Variants in AGBL4 observed in about 807,000 individuals in gnomAD.
The protein encoded by AGBL4 is AGBL carboxypeptidase 4, also known as cytosolic carboxypeptidase 6.
A neutral mutation model predicts 66.4 loss-of-function variants in AGBL4; 58 were observed. That is an observed-to-expected ratio of 0.87 (90% CI 0.71 to 1.09). The LOEUF is 1.09. AGBL4 is among the 50% of genes least tolerant of loss of function. The pLI, the probability that AGBL4 is intolerant of heterozygous loss-of-function variation, is 0.00. For missense variants in AGBL4, 579 were observed against 631.0 expected (o/e 0.92, Z 0.88); for synonymous variants, 234 against 222.9 (o/e 1.05, Z -0.44).
intron 1 of AGBL4, among the ~76,000 whole-genome samples, chr1:49,885,473 C>G (rs1257480863): frequency 6.6e-6 from 1 of 151,826 alleles, no homozygotes; most frequent in Non-Finnish European, 1.5e-5. Flanking sequence ...ACAAGATATA[C>G]TGCAATAACT....
At chr1:49,385,516 G>A (rs545398314) in intron 3 of AGBL4, among the ~76,000 whole-genome samples, 6 of 151,774 alleles carry the variant, frequency 4.0e-5, no homozygotes, top group Non-Finnish European at 7.4e-5. Context: ...CATTTAATGA[G>A]AATTTTCATG....
At chr1:49,825,129 C>T (rs1645473987) in intron 2 of AGBL4, among the ~76,000 whole-genome samples, 1 of 152,198 alleles carries the variant, frequency 6.6e-6, no homozygotes, top group Non-Finnish European at 1.5e-5. Flanking sequence ...GTTTTCAAAA[C>T]ACTGAATGGT....
intron 3 of AGBL4, among the ~76,000 whole-genome samples, chr1:49,506,885 G>T (rs761030235): frequency 6.6e-6 from 1 of 151,984 alleles, no homozygotes; most frequent in Non-Finnish European, 1.5e-5. Flanking sequence ...GAGGGCTATA[G>T]TGTGCCAATC....
intron 7 of AGBL4, 123 bp from the exon 8 acceptor site, chr1:48,653,574 A>C: frequency 1.5e-6 from 1 of 670,290 alleles, no homozygotes; most frequent in Admixed American, 2.5e-5. Context: ...GTTATTGGCC[A>C]CTGTGGGTGT....
chr1:49,787,004 G>C (rs1644470336), intron 2 of AGBL4, among the ~76,000 whole-genome samples: 1 of 152,126 alleles, frequency 6.6e-6, no homozygotes, highest in African/African-American at 2.4e-5. Flanking sequence ...CTCAAAGGTA[G>C]TTTTGTTTCT....
chr1:48,926,215 A>C (rs1315321008), intron 5 of AGBL4, among the ~76,000 whole-genome samples: 1 of 151,292 alleles, frequency 6.6e-6, no homozygotes, highest in Non-Finnish European at 1.5e-5. Context: ...CTAAGATAGA[A>C]GGTGGCTGAC....
chr1:49,941,121 T>C (rs527895996), intron 1 of AGBL4, among the ~76,000 whole-genome samples: 3 of 152,120 alleles, frequency 2.0e-5, no homozygotes, highest in South Asian at 2.1e-4. Context: ...GAAGACAACC[T>C]AGAGACTGAA....
rs547731483 is a variant in AGBL4 at position 49,499,070 on chromosome 1, T to G, written c.282+198243A>C. Among the ~76,000 whole-genome samples the G allele has an allele frequency of 2.6e-5, 4 of 152,182 alleles. No homozygotes were observed. In the South Asian group the frequency reaches 6.2e-4, roughly 24 times the overall value. On this transcript the variant is annotated intron_variant, in intron 3 of 13. Coordinates refer to ENST00000371839, the MANE Select transcript of AGBL4 (RefSeq NM_032785.4). ...TTTGGTTTCAGGGTTGTCCTGGCCT[T>G]GTAAAATGAGTATGGAACTATTCCC...
chr1:49,875,517 T>A lies in AGBL4; in HGVS notation c.35-23999A>T, dbSNP rs1646973587. Among the ~76,000 whole-genome samples, 3 of 147,672 alleles carry A rather than the reference T, an allele frequency of 2.0e-5. No homozygotes were observed. The South Asian group carries it at 6.6e-4, about 32-fold the overall frequency. On this transcript the variant is annotated intron_variant, in intron 1 of 13. Coordinates refer to ENST00000371839, the MANE Select transcript of AGBL4 (RefSeq NM_032785.4). ...TTTTTTATGGCTGCATAGTATTCTA[T>A]GGTGTATATGTGCCACATTTTCTTA...
intron 11 of AGBL4, among the ~76,000 whole-genome samples, chr1:48,543,088 G>A (rs1435208549): frequency 1.3e-5 from 2 of 152,058 alleles, no homozygotes; most frequent in South Asian, 2.1e-4. Flanking sequence ...TGTGTTTATC[G>A]ACCTTCCCAA....
At chr1:49,361,812 A>G (rs981361670) in intron 3 of AGBL4, among the ~76,000 whole-genome samples, 5 of 151,988 alleles carry the variant, frequency 3.3e-5, no homozygotes, top group African/African-American at 1.2e-4. Flanking sequence ...GTGTTCCTTT[A>G]GCTGATTGTA....
chr1:49,036,529 T>C (rs1664667537), intron 5 of AGBL4, among the ~76,000 whole-genome samples: 1 of 152,056 alleles, frequency 6.6e-6, no homozygotes, highest in South Asian at 2.1e-4. Context: ...AGAAGACTCA[T>C]CAAGGGCATG....
chr1:48,891,399 C>A (rs1019981557), intron 5 of AGBL4, among the ~76,000 whole-genome samples: 3 of 152,144 alleles, frequency 2.0e-5, no homozygotes, highest in African/African-American at 7.2e-5. Context: ...ATACCCTCTT[C>A]CAAAAACTTT....
chr1:49,255,896 A>T (rs1000062594), intron 3 of AGBL4, among the ~76,000 whole-genome samples: 3 of 152,212 alleles, frequency 2.0e-5, no homozygotes, highest in Non-Finnish European at 4.4e-5. Context: ...TTTCCTTAGC[A>T]AACTAAAGTA....
At chr1:48,734,602 G>A (rs1648717442) in intron 6 of AGBL4, among the ~76,000 whole-genome samples, 1 of 152,126 alleles carries the variant, frequency 6.6e-6, no homozygotes, top group South Asian at 2.1e-4. Context: ...GCCATCTGGG[G>A]CTTCTTCACA....
chr1:48,658,046 G>A (rs1030781675), intron 7 of AGBL4, among the ~76,000 whole-genome samples: 1 of 152,150 alleles, frequency 6.6e-6, no homozygotes, highest in Non-Finnish European at 1.5e-5. Flanking sequence ...AATAAAGATC[G>A]ACCCATGACA....
chr1:49,061,343 T>C (rs1265100751), intron 4 of AGBL4, among the ~76,000 whole-genome samples: 1 of 152,222 alleles, frequency 6.6e-6, no homozygotes, highest in East Asian at 1.9e-4. Flanking sequence ...ACGAGGATCT[T>C]GAGGAGATAC....
Position 49,245,862 on chromosome 1 carries a change from C to T in AGBL4, c.285G>A (p.Arg95=). 1 of 1,546,068 alleles carries T rather than the reference C, an allele frequency of 6.5e-7. No individual in the cohort carries two copies. Among genetic ancestry groups the T allele is most frequent in the Non-Finnish European group, 8.8e-7 (1 of 1,142,746 alleles). Residue 95 remains arginine, a splice_region_variant and synonymous_variant, in exon 4 of 14, where the codon AGG becomes AGA. Coordinates refer to ENST00000371839, the MANE Select transcript of AGBL4 (RefSeq NM_032785.4). Reference sequence around the variant, plus strand: ...TGAAGTTAACAATGTTGAAAATGACCCTCTGAAAAAGAAAGAGGGAGAAGT... The same window carrying T: ...TGAAGTTAACAATGTTGAAAATGACTCTCTGAAAAAGAAAGAGGGAGAAGT... The part of the protein sequence containing the change: ...FTVENVKESQ[R]VIFNIVNFSK...
intron 5 of AGBL4, among the ~76,000 whole-genome samples, chr1:49,006,875 G>T (rs1308372211): frequency 7.2e-6 from 1 of 139,768 alleles, no homozygotes; most frequent in African/African-American, 2.6e-5. Flanking sequence ...AAACCCATCT[G>T]TACATCACCA....
Sources: allele counts gnomAD v4.1 joint callset (sites outside exome capture counted in the v4.1 genomes callset), GRCh38; gene constraint gnomAD v4.1.1; transcripts MANE v1.5; gene names NCBI Gene and HGNC (gene_info 2026-07-23, HGNC 2026-07-21).